The following PTPRD variants were observed in gnomAD, a reference collection of about 807,000 sequenced individuals.
The protein encoded by PTPRD is protein tyrosine phosphatase receptor type D.
PTPRD carries 34 observed loss-of-function variants against 214.5 expected under a neutral mutation model. That is an observed-to-expected ratio of 0.16 (90% CI 0.12 to 0.21). PTPRD has a LOEUF of 0.21. Among genes scored for constraint, PTPRD ranks in the 10% least tolerant of loss-of-function variants. PTPRD has a pLI of 1.00. For missense variants in PTPRD, 2,545 were observed against 2,398.7 expected (o/e 1.06, Z -1.27); for synonymous variants, 1,128 against 845.7 (o/e 1.33, Z -5.79).
intron 39 of PTPRD, among the ~76,000 whole-genome samples, chr9:8,357,001 A>C (rs957956807): frequency 3.9e-5 from 6 of 152,186 alleles, no homozygotes; most frequent in Admixed American, 1.3e-4. Flanking sequence ...GAAATTTATA[A>C]AATTACTATA....
rs1225255732 is a variant in PTPRD, at chr9:8,681,922, AG to A, written c.65-45079del. Among the ~76,000 whole-genome samples the A allele has an allele frequency of 1.6e-4, 25 of 152,318 alleles. 2 individuals are homozygous for A. The East Asian group carries it at 2.9e-3, about 18-fold the overall frequency. ...ACCAGTACATTACTTCAGCTCTAAA[AG>A]GTGCTGAACAACCGACTACGGTAGG... On this transcript the variant is annotated intron_variant, in intron 12 of 45. Transcript: ENST00000381196.
chr9:10,170,504 G>A (rs1455810105), intron 3 of PTPRD, among the ~76,000 whole-genome samples: 1 of 152,002 alleles, frequency 6.6e-6, no homozygotes. Flanking sequence ...TGGCTAACAC[G>A]GTGAAACCCC....
intron 11 of PTPRD, among the ~76,000 whole-genome samples, chr9:9,002,137 A>C (rs1187008961): frequency 1.3e-5 from 2 of 152,174 alleles, no homozygotes; most frequent in South Asian, 2.1e-4. Flanking sequence ...AGCCTGATTC[A>C]TAATACCTTA....
At chr9:9,952,071 G>GATTACC (rs1481439408) in intron 4 of PTPRD, among the ~76,000 whole-genome samples, 1 of 152,152 alleles carries the variant, frequency 6.6e-6, no homozygotes, top group Non-Finnish European at 1.5e-5. Flanking sequence ...AGAGGCTGAG[G>GATTACC]ATGGTAGTAA....
Position 9,857,519 on chromosome 9 carries a change from T to G in PTPRD, c.-368+80988A>C, listed in dbSNP as rs550698891. ...TAATAGAGTCACTCTCTGCACACGG[T>G]GCATTTCTATCACAGAAGCTCACAG... is the stretch of plus-strand genomic sequence containing the variant. On this transcript the variant is annotated intron_variant, in intron 5 of 45. Coordinates refer to ENST00000381196, the MANE Select transcript of PTPRD (RefSeq NM_002839.4). Among the ~76,000 whole-genome samples, 13 of 152,318 alleles carry G rather than the reference T, an allele frequency of 8.5e-5. No individual in the cohort carries two copies. In the South Asian group the frequency reaches 2.5e-3, roughly 29 times the overall value.
intron 10 of PTPRD, among the ~76,000 whole-genome samples, chr9:9,114,354 T>G (rs577087324): frequency 6.6e-6 from 1 of 152,082 alleles, no homozygotes; most frequent in Non-Finnish European, 1.5e-5. Context: ...ATAAGAATCG[T>G]TTTTAGAGGC....
chr9:9,593,142 G>A (rs116319183), intron 7 of PTPRD, among the ~76,000 whole-genome samples: 2,561 of 145,902 alleles, frequency 0.018, 78 homozygotes, highest in African/African-American at 0.062. Context: ...AAAGGAAAGG[G>A]AAAGAAAAGA....
chr9:9,984,957 G>C (rs1566928309), intron 4 of PTPRD, among the ~76,000 whole-genome samples: 1 of 152,148 alleles, frequency 6.6e-6, no homozygotes, highest in African/African-American at 2.4e-5. Context: ...GGATACTGAG[G>C]AAGATTAACA....
intron 8 of PTPRD, among the ~76,000 whole-genome samples, chr9:9,534,831 T>C (rs1371035170): frequency 1.3e-5 from 2 of 152,080 alleles, no homozygotes; most frequent in Non-Finnish European, 2.9e-5. Context: ...CATGTAATTG[T>C]CTTTAAAGTG....
Position 9,040,690 on chromosome 9 carries a change from G to T in PTPRD, c.-142-21955C>A, listed in dbSNP as rs562423142. On this transcript the variant is annotated intron_variant, in intron 10 of 45. Transcript: ENST00000381196. ...TTCTAAAAGCTGAACAGAATGGAAG[G>T]TTATCTATAACATGAGCATAATCAC... Among the ~76,000 whole-genome samples, 36 of 152,154 alleles carry T rather than the reference G, an allele frequency of 2.4e-4. 1 individual carries two copies. In the South Asian group the frequency reaches 6.8e-3, roughly 29 times the overall value.
chr9:9,701,914 T>C (rs1301340842), intron 7 of PTPRD, among the ~76,000 whole-genome samples: 1 of 151,032 alleles, frequency 6.6e-6, no homozygotes, highest in South Asian at 2.1e-4. Flanking sequence ...AGGTCAGGAG[T>C]TCAAGACAAG....
chr9:8,393,446 T>C (rs2090227303), intron 36 of PTPRD, among the ~76,000 whole-genome samples: 1 of 152,116 alleles, frequency 6.6e-6, no homozygotes, highest in Non-Finnish European at 1.5e-5. Flanking sequence ...TTTGTTTGTT[T>C]TTTGGTTGGC....
intron 4 of PTPRD, among the ~76,000 whole-genome samples, chr9:10,008,657 T>C (rs1315323655): frequency 6.6e-6 from 1 of 151,768 alleles, no homozygotes; most frequent in Non-Finnish European, 1.5e-5. Flanking sequence ...TTCAAGTGTC[T>C]GCTTCTGGTT....
chr9:10,192,140 A>G (rs752501331), intron 3 of PTPRD, among the ~76,000 whole-genome samples: 1 of 152,196 alleles, frequency 6.6e-6, no homozygotes, highest in African/African-American at 2.4e-5. Context: ...TGTGAAAAGT[A>G]TCAAGAGTAA....
At chr9:9,447,455 T>A (rs769212997) in intron 8 of PTPRD, among the ~76,000 whole-genome samples, 2 of 151,946 alleles carry the variant, frequency 1.3e-5, no homozygotes, top group Admixed American at 1.3e-4. Flanking sequence ...TATGTAGAAG[T>A]TAAATGATAA....
At chr9:8,483,841 G>GT (rs2096941892) in intron 30 of PTPRD, among the ~76,000 whole-genome samples, 1 of 152,168 alleles carries the variant, frequency 6.6e-6, no homozygotes, top group Non-Finnish European at 1.5e-5. Flanking sequence ...AAGCTTTGTA[G>GT]TAAGAACCAT....
intron 10 of PTPRD, among the ~76,000 whole-genome samples, chr9:9,086,889 G>A (rs2099767850): frequency 6.6e-6 from 1 of 152,150 alleles, no homozygotes; most frequent in South Asian, 2.1e-4. Context: ...ACAAAGGAAT[G>A]ATAGTGTGTA....
In PTPRD at chr9:8,708,766, T is replaced by A. The variant is rs539800101; in HGVS notation, c.64+25014A>T. 5.6e-5 allele frequency among the ~76,000 whole-genome samples: 8 copies of A among 141,932 alleles called. No individual in the cohort carries two copies. In the South Asian group the frequency reaches 1.4e-3, roughly 24 times the overall value. 93.1% of individuals were successfully genotyped at this position (141,932 alleles called of 152,430 possible). A position where few individuals can be genotyped will look rare whatever the true frequency, so the allele number is the denominator to read the frequency against. On this transcript the variant is annotated intron_variant, in intron 12 of 45. Transcript: ENST00000381196. ...GTCTATATATTCAAAGGAAATGAAATAGGTATGTCAAAGAGATGTGTACAT... is the reference window on the plus strand; with the variant it reads ...GTCTATATATTCAAAGGAAATGAAAAAGGTATGTCAAAGAGATGTGTACAT...
At chr9:10,483,827 A>G (rs2099115579) in intron 2 of PTPRD, among the ~76,000 whole-genome samples, 1 of 152,158 alleles carries the variant, frequency 6.6e-6, no homozygotes. Flanking sequence ...ACTGCCGGTG[A>G]GAATGTAAAT....
Sources: gnomAD v4.1 joint callset for allele counts (sites outside exome capture counted in the v4.1 genomes callset) on GRCh38, gnomAD v4.1.1 for gene constraint, MANE v1.5 for transcripts, NCBI Gene and HGNC (gene_info 2026-07-23, HGNC 2026-07-21) for gene names.